Variants in CHST9 observed in about 807,000 individuals in gnomAD.
CHST9 encodes GalNAc-4-sulfotransferase 2.
A neutral mutation model predicts 44.4 loss-of-function variants in CHST9; 41 were observed. That is an observed-to-expected ratio of 0.92 (90% CI 0.72 to 1.20). The LOEUF (loss-of-function observed/expected upper bound fraction) is 1.20, where lower values mean the gene tolerates loss of function less well. Ranked by LOEUF, CHST9 falls within the 50% of genes most tolerant of loss-of-function variation. The pLI, the probability that CHST9 is intolerant of heterozygous loss-of-function variation, is 0.00. For synonymous variants in CHST9, 171 were observed against 178.4 expected (o/e 0.96, Z 0.33); for missense variants, 504 against 516.5 (o/e 0.98, Z 0.23).
intron 2 of CHST9, among the ~76,000 whole-genome samples, chr18:27,100,974 C>A (rs1015447626): frequency 1.3e-5 from 2 of 152,162 alleles, no homozygotes; most frequent in African/African-American, 4.8e-5. Flanking sequence ...TCAGTTACAT[C>A]TTGCTGTCTG....
At chr18:26,979,228 C>T (rs369967986) in intron 4 of CHST9, among the ~76,000 whole-genome samples, 1 of 151,956 alleles carries the variant, frequency 6.6e-6, no homozygotes, top group Non-Finnish European at 1.5e-5. Flanking sequence ...ATCTTTCTTT[C>T]GTTTTACAAA....
At chr18:27,164,178 T>A (rs1373509756) in intron 1 of CHST9, among the ~76,000 whole-genome samples, 1 of 152,052 alleles carries the variant, frequency 6.6e-6, no homozygotes, top group East Asian at 1.9e-4. Context: ...AGGCAAAGAA[T>A]GTGGGGACAA....
chr18:27,099,707 A>AAAC (rs990314183), intron 2 of CHST9, among the ~76,000 whole-genome samples: 7 of 151,960 alleles, frequency 4.6e-5, no homozygotes, highest in South Asian at 4.1e-4. Context: ...TACAAATTAA[A>AAAC]AACAACAACA....
At chr18:26,973,421 G>A (rs549390061) in intron 4 of CHST9, among the ~76,000 whole-genome samples, 68 of 152,312 alleles carry the variant, frequency 4.5e-4, no homozygotes, top group African/African-American at 1.6e-3. Flanking sequence ...GCGGAACAGT[G>A]CGTAGAAGGC....
At chr18:26,998,472 T>G (rs1313395806) in intron 4 of CHST9, among the ~76,000 whole-genome samples, 3 of 152,202 alleles carry the variant, frequency 2.0e-5, no homozygotes, top group Non-Finnish European at 4.4e-5. Context: ...ATGCCTATAA[T>G]CCCAGCACTT....
chr18:27,141,981 T>C (rs897194187), intron 2 of CHST9, among the ~76,000 whole-genome samples: 1 of 152,178 alleles, frequency 6.6e-6, no homozygotes, highest in African/African-American at 2.4e-5. Context: ...GTGCCTCCAA[T>C]GGGCAGCAAT....
chr18:27,108,243 T>C (rs1173590657), intron 2 of CHST9, among the ~76,000 whole-genome samples: 5 of 152,184 alleles, frequency 3.3e-5, no homozygotes, highest in African/African-American at 1.2e-4. Context: ...TATTTCCAAA[T>C]ACATGTCTCT....
chr18:26,923,587 T>C (rs1446500338), intron 5 of CHST9, among the ~76,000 whole-genome samples: 2 of 152,192 alleles, frequency 1.3e-5, no homozygotes, highest in Admixed American at 1.3e-4. Context: ...GTGGATCCTA[T>C]GGAAACTATA....
chr18:27,054,907 ATATAC>A (rs1374310521), intron 2 of CHST9, among the ~76,000 whole-genome samples: 1 of 152,148 alleles, frequency 6.6e-6, no homozygotes, highest in Non-Finnish European at 1.5e-5. Flanking sequence ...ACACACACAT[ATATAC>A]TATATTTTCA....
At chr18:27,181,449 T>C (rs1015695590) in intron 1 of CHST9, among the ~76,000 whole-genome samples, 1 of 152,204 alleles carries the variant, frequency 6.6e-6, no homozygotes, top group Non-Finnish European at 1.5e-5. Flanking sequence ...AATGTGTTTT[T>C]GATTTGGAGC....
intron 2 of CHST9, among the ~76,000 whole-genome samples, chr18:27,095,611 G>A (rs1244291125): frequency 6.6e-6 from 1 of 151,984 alleles, no homozygotes; most frequent in African/African-American, 2.4e-5. Flanking sequence ...CCATGGAAAC[G>A]GAAAACAAAA....
chr18:27,009,164 T>TCTCA, intron 4 of CHST9, among the ~76,000 whole-genome samples: 1 of 152,172 alleles, frequency 6.6e-6, no homozygotes, highest in African/African-American at 2.4e-5. Flanking sequence ...AGTCATGGAA[T>TCTCA]CTCAAGTCTT....
chr18:26,942,401 C>T (rs1422015314), intron 5 of CHST9, among the ~76,000 whole-genome samples: 3 of 152,050 alleles, frequency 2.0e-5, no homozygotes, highest in Non-Finnish European at 2.9e-5. Flanking sequence ...AAGACCTTTC[C>T]CTCTTCAGTT....
intron 4 of CHST9, among the ~76,000 whole-genome samples, chr18:26,987,831 C>G (rs543281078): frequency 6.6e-6 from 1 of 152,058 alleles, no homozygotes; most frequent in Non-Finnish European, 1.5e-5. Flanking sequence ...TGTGAGGACC[C>G]GAAGAGAAAT....
chr18:27,100,627 G>A (rs556504646), intron 2 of CHST9, among the ~76,000 whole-genome samples: 53 of 152,010 alleles, frequency 3.5e-4, no homozygotes, highest in African/African-American at 1.2e-3. Flanking sequence ...CTTTGTTTGC[G>A]GTAAAATATG....
intron 5 of CHST9, among the ~76,000 whole-genome samples, chr18:26,920,349 G>A (rs2055625506): frequency 6.6e-6 from 1 of 152,162 alleles, no homozygotes; most frequent in Non-Finnish European, 1.5e-5. Flanking sequence ...CTCTCAGTTG[G>A]AAAGTCACCT....
intron 2 of CHST9, among the ~76,000 whole-genome samples, chr18:27,113,254 C>T (rs952210631): frequency 1.3e-5 from 2 of 151,834 alleles, no homozygotes; most frequent in African/African-American, 4.8e-5. Flanking sequence ...TATCATCTTC[C>T]CAGACTTGGT....
chr18:27,101,220 G>A lies in CHST9; in HGVS notation c.121+41469C>T, dbSNP rs188427044. Among the ~76,000 whole-genome samples, 551 of 152,200 alleles carry A rather than the reference G, an allele frequency of 3.6e-3. 5 individuals are homozygous for A. Among genetic ancestry groups the A allele is most frequent in the African/African-American group, 0.013 (522 of 41,544 alleles). On this transcript the variant is annotated intron_variant, in intron 2 of 5. Coordinates refer to ENST00000618847, the MANE Select transcript of CHST9 (RefSeq NM_031422.6). ...TGCATTATTATTTTTGAATACCATAGAGTGAAGCTAACATATGCACAGAGG... is the reference window on the plus strand; with the variant it reads ...TGCATTATTATTTTTGAATACCATAAAGTGAAGCTAACATATGCACAGAGG...
At chr18:26,963,873 TAG>T (rs1269489057) in intron 4 of CHST9, among the ~76,000 whole-genome samples, 3 of 152,204 alleles carry the variant, frequency 2.0e-5, no homozygotes, top group Non-Finnish European at 2.9e-5. Flanking sequence ...GTTTCATACT[TAG>T]AGTAGTGCAG....
Sources: gnomAD v4.1 joint callset for allele counts (sites outside exome capture counted in the v4.1 genomes callset) on GRCh38, gnomAD v4.1.1 for gene constraint, MANE v1.5 for transcripts, NCBI Gene and HGNC (gene_info 2026-07-23, HGNC 2026-07-21) for gene names.